Variants in LMTK3 observed in about 807,000 individuals in gnomAD.
LMTK3 encodes lemur tail kinase 3, also known as serine/threonine-protein kinase LMTK3.
Under a neutral mutation model 116.7 loss-of-function variants are expected in LMTK3, and 27 were observed. That is an observed-to-expected ratio of 0.23 (90% confidence interval 0.17 to 0.32). LMTK3 has a LOEUF of 0.32. Ranked by LOEUF, LMTK3 falls within the 10% of genes least tolerant of loss-of-function variation. The pLI is 1.00. For synonymous variants in LMTK3, 965 were observed against 971.0 expected (o/e 0.99, Z 0.11); for missense variants, 1,764 against 2,068.5 (o/e 0.85, Z 2.86).
In LMTK3 at chr19:48,502,501, C is replaced by T. The variant is rs759726929; in HGVS notation, c.726G>A (p.Thr242=). The T allele has an allele frequency of 1.9e-6, 3 of 1,609,742 alleles. No homozygotes were observed. Among genetic ancestry groups the T allele is most frequent in the South Asian group, 1.1e-5 (1 of 90,864 alleles). The change falls in exon 7 of 15, where the codon ACG becomes ACA. Residue 242 remains threonine (T), a synonymous_variant. Coordinates refer to ENST00000600059, the MANE Select transcript of LMTK3 (RefSeq NM_001388485.1). ...CGATCTCCAGGCCCATCCTCTGCAGCGTCCGCAGGTCTCGAGGGGGTAGCT... is the reference window on the plus strand; with the variant it reads ...CGATCTCCAGGCCCATCCTCTGCAGTGTCCGCAGGTCTCGAGGGGGTAGCT... The part of the protein sequence containing the change: ...SPELPPRDLR[T]LQRMGLEIAR...
chr19:48,496,124 G>GTTTTT (rs753457988), intron 11 of LMTK3, among the ~76,000 whole-genome samples: 6 of 152,008 alleles, frequency 3.9e-5, no homozygotes, highest in Non-Finnish European at 5.9e-5. Flanking sequence ...GTTTTGTTTT[G>GTTTTT]TTTGAGACAG....
At chr19:48,504,799 C>T (rs559274291) in intron 5 of LMTK3, among the ~76,000 whole-genome samples, 14 of 152,064 alleles carry the variant, frequency 9.2e-5, no homozygotes, top group East Asian at 5.8e-4. Context: ...CCACCCACTT[C>T]GGCCTCCCGA....
At chr19:48,507,466 T>C (rs1972589560) in intron 5 of LMTK3, among the ~76,000 whole-genome samples, 1 of 152,160 alleles carries the variant, frequency 6.6e-6, no homozygotes. Flanking sequence ...AACAGAGCTT[T>C]GCGAAGGTGG....
intron 7 of LMTK3, 67 bp downstream of exon 7, chr19:48,502,366 C>T: frequency 7.8e-6 from 12 of 1,548,038 alleles, no homozygotes; most frequent in Non-Finnish European, 1.1e-5. Flanking sequence ...CTAGCCCCTC[C>T]CCTGAGGCCT....
Position 48,510,571 on chromosome 19 carries a change from G to T in LMTK3, c.98C>A (p.Ala33Asp). 6.3e-7 allele frequency: 1 copy of T among 1,592,842 alleles called. No homozygotes were observed. Among genetic ancestry groups the T allele is most frequent in the Non-Finnish European group, 8.5e-7 (1 of 1,171,150 alleles). ...CACAGCGTAGGGAGGAGCCAGAGGA[G>T]CCCGGCCCAGGGCGAATCCATCTGT... ...AHPDGFALGR[A>D]PLAPPYAVVL... The change falls in exon 2 of 15, where the codon GCT becomes GAT. Residue 33 changes from alanine to aspartate, a missense_variant. Ala to Asp is a moderately radical substitution (Grantham distance 126). This residue lies in a region of LMTK3 where 66 missense variants were observed against 61.1 expected (regional missense o/e 1.08). Coordinates refer to ENST00000600059, the MANE Select transcript of LMTK3 (RefSeq NM_001388485.1).
intron 12 of LMTK3, among the ~76,000 whole-genome samples, chr19:48,492,019 C>T (rs1388308939): frequency 1.3e-5 from 2 of 152,124 alleles, no homozygotes; most frequent in Admixed American, 1.3e-4. Context: ...TGCTCCCGCC[C>T]TCCAAGTCCC....
chr19:48,510,430 C>T, intron 2 of LMTK3, 29 bp downstream of exon 2: 1 of 1,582,614 alleles, frequency 6.3e-7, no homozygotes, highest in Non-Finnish European at 8.6e-7. Flanking sequence ...AGTCTTCCTC[C>T]CCAAGTTGAA....
Position 48,502,769 on chromosome 19 carries a change from G to C in LMTK3, c.645+140C>G. The C allele has an allele frequency of 5.9e-6, 5 of 849,044 alleles. No homozygotes were observed. In the South Asian group the frequency reaches 8.4e-5, roughly 14 times the overall value. 52.6% of individuals were successfully genotyped at this position (849,044 alleles called of 1,614,324 possible). ...TTCAGGCCAGCCCCCAGGACAGGCA[G>C]CACTCATGAAATGTTAGCGCATGCC... On this transcript the variant is annotated intron_variant, in intron 6 of 14. Coordinates refer to ENST00000600059, the MANE Select transcript of LMTK3 (RefSeq NM_001388485.1).
chr19:48,485,698 T>C lies in LMTK3; in HGVS notation c.*75A>G. ...GAGGCGGCGTCTGCGGTGGTGGCAGTGGCGCCGTCATCCACAGAGGATTCC... is the reference window on the plus strand; with the variant it reads ...GAGGCGGCGTCTGCGGTGGTGGCAGCGGCGCCGTCATCCACAGAGGATTCC... On this transcript the variant is annotated 3_prime_UTR_variant, in exon 15 of 15. Transcript: ENST00000600059. 6.6e-7 allele frequency: 1 copy of C among 1,513,738 alleles called. No individual in the cohort carries two copies. Among genetic ancestry groups the C allele is most frequent in the East Asian group, 2.4e-5 (1 of 42,366 alleles). 93.8% of individuals were successfully genotyped at this position (1,513,738 alleles called of 1,614,324 possible). A position where few individuals can be genotyped will look rare whatever the true frequency, so the allele number is the denominator to read the frequency against.
In LMTK3 at chr19:48,511,632, C is replaced by CGG; in HGVS notation, c.-58_-57dup. ...GTGGCGGCTGGGGAGGAGGGGGGGG[C>CGG]GGGCCCTCAGCCCCCAGCCATGGGG... On this transcript the variant is annotated 5_prime_UTR_variant, in exon 1 of 15. Coordinates refer to ENST00000600059, the MANE Select transcript of LMTK3 (RefSeq NM_001388485.1). 2.7e-6 allele frequency: 1 copy of CGG among 365,768 alleles called. No individual in the cohort carries two copies. 22.7% of individuals were successfully genotyped at this position (365,768 alleles called of 1,614,324 possible).
chr19:48,502,559 C>A lies in LMTK3; in HGVS notation c.668G>T (p.Arg223Leu). The change falls in exon 7 of 15, where the codon CGA (arginine) becomes CTA (leucine). Residue 223 changes from arginine (R) to leucine (L), a missense_variant. Around this residue, in one of 7 missense-constraint regions of LMTK3, gnomAD observed 271 missense variants for 478.2 expected, o/e 0.57. Coordinates refer to ENST00000600059, the MANE Select transcript of LMTK3 (RefSeq NM_001388485.1). The stretch of plus-strand genomic sequence containing the variant: ...CAGGCCCTCGGGGGGCCGCTGGGCT[C>A]GGAGGTAACGCTTCAGGTCCCCCTG... Reference protein sequence around the residue: ...CQLGDLKRYLRAQRPPEGLSP... With the variant: ...CQLGDLKRYLLAQRPPEGLSP... 1 of 1,572,556 alleles carries A rather than the reference C, an allele frequency of 6.4e-7. No individual in the cohort carries two copies.
At position 48,511,569 on chromosome 19, in the gene LMTK3, G is replaced by A. The variant is rs1397732152; in HGVS notation, c.8C>T (p.Ala3Val). Reference protein sequence around the residue: MPAPGALILLAAV... With the variant: MPVPGALILLAAV... Reference sequence around the variant, plus strand: ...CGCAAGGAGGATGAGGGCGCCGGGGGCAGGCATCTTGTCGAGGATGGCAGG... The same window carrying A: ...CGCAAGGAGGATGAGGGCGCCGGGGACAGGCATCTTGTCGAGGATGGCAGG... The change falls in exon 1 of 15, where the codon GCC (alanine) becomes GTC (valine). Residue 3 changes from alanine (A) to valine (V), a missense_variant. By Grantham distance (64) the Ala-to-Val change is moderately conservative. Coordinates refer to ENST00000600059, the MANE Select transcript of LMTK3 (RefSeq NM_001388485.1). The A allele has an allele frequency of 5.6e-6, 8 of 1,430,818 alleles. No individual in the cohort carries two copies. In the African/African-American group the frequency reaches 7.3e-5, roughly 13 times the overall value. The allele number at this position is 1,430,818 out of a possible 1,614,324, so 88.6% of individuals were successfully genotyped here.
intron 6 of LMTK3, 27 bp from the exon 7 acceptor site, chr19:48,502,608 A>T (rs746587128): frequency 6.6e-7 from 1 of 1,516,764 alleles, no homozygotes; most frequent in African/African-American, 1.4e-5. Context: ...GAAGGTCAGC[A>T]CCACCAGCCG....
In LMTK3 at chr19:48,491,650, C is replaced by A; in HGVS notation, c.4093-111G>T. The A allele has an allele frequency of 2.0e-6, 2 of 1,014,062 alleles. No homozygotes were observed. The highest frequency in any genetic ancestry group is 2.6e-6 in the Non-Finnish European group (2 of 776,834). 62.8% of individuals were successfully genotyped at this position (1,014,062 alleles called of 1,614,324 possible). On this transcript the variant is annotated intron_variant, in intron 12 of 14. Coordinates refer to ENST00000600059, the MANE Select transcript of LMTK3 (RefSeq NM_001388485.1). The surrounding 1 kb of genome is among the most constrained non-coding windows in gnomAD (Gnocchi z 5.1). ...AATATTTCTGGGGCTCTAGGAATCC[C>A]AATTTGTAATCACTGACTCGCACGC...
rs1285895330 is a variant in LMTK3 at position 48,491,683 on chromosome 19, A to G, written c.4093-144T>C. 9.2e-6 allele frequency: 7 copies of G among 764,210 alleles called. No individual in the cohort carries two copies. Among genetic ancestry groups the G allele is most frequent in the Non-Finnish European group, 1.3e-5 (7 of 555,670 alleles). 47.3% of individuals were successfully genotyped at this position (764,210 alleles called of 1,614,324 possible). A position where few individuals can be genotyped will look rare whatever the true frequency, so the allele number is the denominator to read the frequency against. ...AATCACTGACTCGCACGCTCTGGAGAGGTGGCTGGAGCCCCTAATCTGGCT... is the reference window on the plus strand; with the variant it reads ...AATCACTGACTCGCACGCTCTGGAGGGGTGGCTGGAGCCCCTAATCTGGCT... On this transcript the variant is annotated intron_variant, in intron 12 of 14. Coordinates refer to ENST00000600059, the MANE Select transcript of LMTK3 (RefSeq NM_001388485.1). This position sits in a 1 kb window ranked among gnomAD's most constrained non-coding sequence, Gnocchi z 5.1.
Position 48,493,836 on chromosome 19 carries a change from C to T in LMTK3, c.3950G>A (p.Ser1317Asn). The change falls in exon 12 of 15, where the codon AGC becomes AAC. Residue 1317 changes from serine (S) to asparagine (N), a missense_variant. Physicochemically the swap from Ser to Asn is conservative, Grantham distance 46. Coordinates refer to ENST00000600059, the MANE Select transcript of LMTK3 (RefSeq NM_001388485.1). ...CGGGCGGGCCGCGTCCGCGTCGGCGCTGCTCACCACGACGGGCACCGGGGC... is the reference window on the plus strand; with the variant it reads ...CGGGCGGGCCGCGTCCGCGTCGGCGTTGCTCACCACGACGGGCACCGGGGC... ...RAAPVPVVVS[S>N]ADADAARPLR... 6.9e-7 allele frequency: 1 copy of T among 1,456,078 alleles called. No homozygotes were observed. Among genetic ancestry groups the T allele is most frequent in the Non-Finnish European group, 9.0e-7 (1 of 1,105,298 alleles). 90.2% of individuals were successfully genotyped at this position (1,456,078 alleles called of 1,614,324 possible).
At chr19:48,496,314 T>G (rs920377116) in intron 11 of LMTK3, among the ~76,000 whole-genome samples, 8 of 149,850 alleles carry the variant, frequency 5.3e-5, no homozygotes, top group African/African-American at 1.8e-4. Context: ...TTTTTTTTTT[T>G]CTGAGACAGA....
chr19:48,486,075 T>C (rs1972117654), intron 14 of LMTK3, among the ~76,000 whole-genome samples: 2 of 133,026 alleles, frequency 1.5e-5, no homozygotes, highest in Admixed American at 1.4e-4. Context: ...TTTTTTTTTT[T>C]TTGAGACGGA....
rs1361491614 is a variant in LMTK3 at position 48,493,854 on chromosome 19, A to T, written c.3932T>A (p.Val1311Glu). The change falls in exon 12 of 15, where the codon GTG becomes GAG. Residue 1311 changes from valine (V) to glutamate (E), a missense_variant. By Grantham distance (121) the Val-to-Glu change is moderately radical (BLOSUM62 -2). Transcript: ENST00000600059. ...GTCGGCGCTGCTCACCACGACGGGCACCGGGGCTGCTCGCGCCCTCCCGGG... is the reference window on the plus strand; with the variant it reads ...GTCGGCGCTGCTCACCACGACGGGCTCCGGGGCTGCTCGCGCCCTCCCGGG... Reference protein sequence around the residue: ...RGPGRARAAPVPVVVSSADAD... With the variant: ...RGPGRARAAPEPVVVSSADAD... 1 of 1,285,554 alleles carries T rather than the reference A, an allele frequency of 7.8e-7. No individual in the cohort carries two copies. The highest frequency in any genetic ancestry group is 4.0e-5 in the Admixed American group (1 of 24,792). The allele number at this position is 1,285,554 out of a possible 1,614,324, so 79.6% of individuals were successfully genotyped here. A position where few individuals can be genotyped will look rare whatever the true frequency, so the allele number is the denominator to read the frequency against.
Sources: allele counts gnomAD v4.1 joint callset (sites outside exome capture counted in the v4.1 genomes callset), GRCh38; gene constraint gnomAD v4.1.1; regional missense constraint gnomAD v4.1.1; non-coding constraint Gnocchi (gnomAD v3.1); transcripts MANE v1.5; gene names NCBI Gene and HGNC (gene_info 2026-07-23, HGNC 2026-07-21).